Variants in AFAP1L2 observed in about 807,000 individuals in gnomAD.
AFAP1L2 encodes the protein actin filament associated protein 1 like 2, also known as actin filament-associated protein 1-like 2.
AFAP1L2 carries 46 observed loss-of-function variants against 99.3 expected under a neutral mutation model. The observed-to-expected ratio is 0.46, with a 90% CI of 0.37 to 0.59. AFAP1L2 has a LOEUF of 0.59. Among genes scored for constraint, AFAP1L2 ranks in the 20% least tolerant of loss-of-function variants. The pLI is 0.00. For synonymous variants in AFAP1L2, 397 were observed against 419.1 expected (o/e 0.95, Z 0.64); for missense variants, 959 against 1,034.9 (o/e 0.93, Z 1.01).
chr10:114,290,010 AGTC>A, downstream of AFAP1L2: 1 of 347,540 alleles, frequency 2.9e-6, no homozygotes, highest in Non-Finnish European at 5.1e-6. Flanking sequence ...AAAAAAAAAA[AGTC>A]TGCCATGTGT....
In AFAP1L2 at chr10:114,306,713, C is replaced by CA. The variant is rs2042512709; in HGVS notation, c.1072+1091dup. Among the ~76,000 whole-genome samples, 3 of 151,968 alleles carry CA rather than the reference C, an allele frequency of 2.0e-5. No individual in the cohort carries two copies. The South Asian group carries it at 6.2e-4, about 32-fold the overall frequency. ...GGGATCTCAGATCATTAAGCACCCC[C>CA]AGTCCTGGGAAGGAGAGCAGCTGTA... On this transcript the variant is annotated intron_variant, in intron 10 of 18. Coordinates refer to ENST00000304129, the MANE Select transcript of AFAP1L2 (RefSeq NM_001001936.3).
rs771370681 is a variant in AFAP1L2 at position 114,302,445 on chromosome 10, G to A, written c.1324C>T (p.Leu442=). 4 of 1,614,144 alleles carry A rather than the reference G, an allele frequency of 2.5e-6. No homozygotes were observed. Among genetic ancestry groups the A allele is most frequent in the South Asian group, 1.1e-5 (1 of 91,082 alleles). ...GTCTTGGAGCCTGACTCAGAGAGCA[G>A]GAGACCCAGCCAGTGGCCCATTTCC... The part of the protein sequence containing the change: ...SEEMGHWLGL[L]LSESGSKTDP... Residue 442 remains leucine (L), a synonymous_variant, in exon 12 of 19, where the codon CTG becomes TTG. Coordinates refer to ENST00000304129, the MANE Select transcript of AFAP1L2 (RefSeq NM_001001936.3).
intron 11 of AFAP1L2, among the ~76,000 whole-genome samples, chr10:114,304,309 G>A (rs148637681): frequency 9.5e-4 from 144 of 152,308 alleles, no homozygotes; most frequent in African/African-American, 3.3e-3. Flanking sequence ...GATGGGGAGC[G>A]AGAGGAATGT....
chr10:114,343,682 G>A (rs192482108), intron 1 of AFAP1L2, among the ~76,000 whole-genome samples: 5 of 152,298 alleles, frequency 3.3e-5, no homozygotes, highest in South Asian at 2.1e-4. Flanking sequence ...AAGCATCGGC[G>A]GGATCAGTTA....
At chr10:114,382,378 C>G (rs1229690111) in intron 1 of AFAP1L2, among the ~76,000 whole-genome samples, 1 of 151,976 alleles carries the variant, frequency 6.6e-6, no homozygotes, top group African/African-American at 2.4e-5. Context: ...GAAGGTCCAC[C>G]CTCACTTACA....
chr10:114,306,254 C>T (rs374426647), intron 10 of AFAP1L2, among the ~76,000 whole-genome samples: 1 of 101,730 alleles, frequency 9.8e-6, no homozygotes, highest in East Asian at 3.1e-4. Context: ...CAGGACTGGT[C>T]GGGGCTGCAG....
chr10:114,346,017 G>C (rs550117230), intron 1 of AFAP1L2, among the ~76,000 whole-genome samples: 61 of 152,332 alleles, frequency 4.0e-4, no homozygotes, highest in Non-Finnish European at 6.3e-4. Flanking sequence ...GGGAGCGGGT[G>C]GGCCAGCCAG....
chr10:114,404,347 C>A, intron 1 of AFAP1L2, 93 bp downstream of exon 1: 1 of 1,391,106 alleles, frequency 7.2e-7, no homozygotes, highest in Non-Finnish European at 9.9e-7. Flanking sequence ...TCTGCTTATC[C>A]CGAGTCCTGG....
intron 1 of AFAP1L2, among the ~76,000 whole-genome samples, chr10:114,384,110 T>C (rs1392526982): frequency 7.9e-5 from 12 of 152,180 alleles, no homozygotes; most frequent in Admixed American, 7.2e-4. Context: ...CAGTGACAAC[T>C]GCAGAGGGTT....
At chr10:114,285,004 T>C in the AFAP1L2 span, 1 of 1,508,064 alleles carries the variant, frequency 6.6e-7, no homozygotes, top group Non-Finnish European at 8.9e-7. Flanking sequence ...GACTGACCAC[T>C]GGGGAGCAAG....
chr10:114,316,600 G>A (rs561016450), intron 5 of AFAP1L2, among the ~76,000 whole-genome samples: 8 of 152,166 alleles, frequency 5.3e-5, no homozygotes, highest in Non-Finnish European at 8.8e-5. Context: ...ACGATTCTAC[G>A]CATACCCCAA....
In AFAP1L2 at chr10:114,305,344, G is replaced by A. The variant is rs1211721114; in HGVS notation, c.1073-414C>T. ...AGGAGGGGTCGCGGATGCAGGAGGG[G>A]ACTGGGCTGCAGGAGGGAGCGGGGC... On this transcript the variant is annotated intron_variant, in intron 10 of 18. Transcript: ENST00000304129. Among the ~76,000 whole-genome samples, 5 of 148,640 alleles carry A rather than the reference G, an allele frequency of 3.4e-5. No homozygotes were observed. In the East Asian group the frequency reaches 1.0e-3, roughly 31 times the overall value.
At chr10:114,315,406 G>T (rs902734214) in intron 6 of AFAP1L2, among the ~76,000 whole-genome samples, 154 bp downstream of exon 6, 1 of 152,210 alleles carries the variant, frequency 6.6e-6, no homozygotes, top group Non-Finnish European at 1.5e-5. Flanking sequence ...ACAAAATCCT[G>T]TATACAATTT....
At chr10:114,297,502 C>A in intron 16 of AFAP1L2, 89 bp from the exon 17 acceptor site, 1 of 1,360,840 alleles carries the variant, frequency 7.3e-7, no homozygotes, top group South Asian at 1.4e-5. Context: ...CTACATACCC[C>A]GCCACCCGAG....
intron 1 of AFAP1L2, among the ~76,000 whole-genome samples, chr10:114,372,620 ATT>A (rs1422988429): frequency 6.6e-6 from 1 of 151,534 alleles, no homozygotes. Context: ...ATGAAAACAT[ATT>A]TATATATACA....
chr10:114,340,627 G>A lies in AFAP1L2; in HGVS notation c.121C>T (p.Leu41Phe), dbSNP rs775532455. ...LVKKSCLAEL[L>F]RLYTKSSSSD... ...CTGCTGCTTTTGGTGTAAAGCCGGA[G>A]GAGCTCCGCCAGGCAGCTCTTCTTC... Residue 41 changes from leucine (L) to phenylalanine (F), a missense_variant, in exon 2 of 19, where the codon CTC (leucine) becomes TTC (phenylalanine). By Grantham distance (22) the Leu-to-Phe change is conservative. Around this residue, in one of 2 missense-constraint regions of AFAP1L2, gnomAD observed 383 missense variants for 472.8 expected, o/e 0.81. Transcript: ENST00000304129. 1.4e-5 allele frequency: 23 copies of A among 1,614,210 alleles called. No individual in the cohort carries two copies. The East Asian group carries it at 4.9e-4, about 34-fold the overall frequency.
chr10:114,286,070 G>T, the AFAP1L2 span: 4 of 1,614,032 alleles, frequency 2.5e-6, no homozygotes, highest in East Asian at 6.7e-5. Flanking sequence ...GCTGAGCGAG[G>T]ACTCTCGGGC....
intron 1 of AFAP1L2, among the ~76,000 whole-genome samples, chr10:114,392,920 G>A (rs2057306330): frequency 1.3e-5 from 2 of 152,158 alleles, no homozygotes; most frequent in Admixed American, 1.3e-4. Flanking sequence ...AATAAATCTT[G>A]TAGGACAAGT....
At chr10:114,286,303 G>T in the AFAP1L2 span, 1 of 1,611,012 alleles carries the variant, frequency 6.2e-7, no homozygotes. Flanking sequence ...TGCTCACTGA[G>T]TCACACTCCG....
Sources: gnomAD v4.1 joint callset for allele counts (sites outside exome capture counted in the v4.1 genomes callset) on GRCh38, gnomAD v4.1.1 for gene constraint, gnomAD v4.1.1 regional missense constraint, MANE v1.5 for transcripts, NCBI Gene and HGNC (gene_info 2026-07-23, HGNC 2026-07-21) for gene names.